Variants in KIAA1671 observed in about 807,000 individuals in gnomAD.
The protein encoded by KIAA1671 is KIAA1671.
A neutral mutation model predicts 131.2 loss-of-function variants in KIAA1671; 52 were observed. That is an observed-to-expected ratio of 0.40 (90% CI 0.32 to 0.50). The LOEUF (loss-of-function observed/expected upper bound fraction) is 0.50. KIAA1671 is among the 20% of genes least tolerant of loss of function. The probability of loss-of-function intolerance (pLI) is 0.73; values close to 1 mark genes in which losing one functional copy is unlikely to be tolerated. For missense variants in KIAA1671, 2,360 were observed against 2,364.2 expected, an observed-to-expected ratio of 1.00 and a Z score of 0.04; for synonymous variants, 1,003 against 961.6, an observed-to-expected ratio of 1.04 and a Z score of -0.80.
chr22:25,108,128 A>G (rs951465054), intron 6 of KIAA1671, among the ~76,000 whole-genome samples: 1 of 152,226 alleles, frequency 6.6e-6, no homozygotes, highest in African/African-American at 2.4e-5. Context: ...TCCAGGAAAT[A>G]TATATCAGTT....
intron 6 of KIAA1671, among the ~76,000 whole-genome samples, chr22:25,129,659 CT>C (rs72236192): frequency 0.044 from 5,862 of 133,266 alleles, 100 homozygotes; most frequent in Middle Eastern, 0.09. Context: ...TTCTCTTTTC[CT>C]TTTTTTTTTT....
At chr22:25,101,900 G>A (rs1278120153) in intron 6 of KIAA1671, among the ~76,000 whole-genome samples, 1 of 152,206 alleles carries the variant, frequency 6.6e-6, no homozygotes, top group African/African-American at 2.4e-5. Flanking sequence ...CAGGTAAACT[G>A]TGTGATTCGG....
chr22:25,021,935 C>T (rs922280123), intron 1 of KIAA1671, among the ~76,000 whole-genome samples: 31 of 152,204 alleles, frequency 2.0e-4, no homozygotes, highest in Admixed American at 1.2e-3. Context: ...TACAGGCACC[C>T]GCCACCACGC....
chr22:25,184,528 C>T (rs901410312), intron 10 of KIAA1671, among the ~76,000 whole-genome samples: 5 of 152,138 alleles, frequency 3.3e-5, no homozygotes, highest in Non-Finnish European at 7.4e-5. Context: ...ACATGCCCTC[C>T]AAAAATGGGT....
intron 10 of KIAA1671, among the ~76,000 whole-genome samples, 162 bp downstream of exon 10, chr22:25,181,985 G>A (rs1011614536): frequency 2.0e-5 from 3 of 152,066 alleles, no homozygotes; most frequent in African/African-American, 7.2e-5. Context: ...AGACCATCCT[G>A]GATAACATGG....
intron 1 of KIAA1671, among the ~76,000 whole-genome samples, chr22:24,994,260 G>C (rs554872455): frequency 5.3e-5 from 8 of 152,258 alleles, no homozygotes; most frequent in Admixed American, 3.3e-4. Context: ...TTCTAGGAAA[G>C]AGTGGTGTCA....
rs1011788494 is a variant in KIAA1671 at position 25,066,701 on chromosome 22, A to G, written c.4530+17337A>G. Among the ~76,000 whole-genome samples the G allele has an allele frequency of 7.2e-5, 11 of 152,234 alleles. No homozygotes were observed. In the East Asian group the frequency reaches 1.9e-3, roughly 27 times the overall value. Reference sequence around the variant, plus strand: ...TCGCATTTGCAGGTTCTAGGTGGACATATGTTTTTAGGGGTCTCCATTCAA... The same window carrying G: ...TCGCATTTGCAGGTTCTAGGTGGACGTATGTTTTTAGGGGTCTCCATTCAA... On this transcript the variant is annotated intron_variant, in intron 6 of 12. Transcript: ENST00000358431.
At chr22:24,959,020 A>C (rs1921876062) in intron 1 of KIAA1671, among the ~76,000 whole-genome samples, 1 of 150,916 alleles carries the variant, frequency 6.6e-6, no homozygotes, top group South Asian at 2.1e-4. Context: ...AAAAAAAATT[A>C]GCCTGGCAGT....
At chr22:25,068,454 T>G (rs1207746104) in intron 6 of KIAA1671, among the ~76,000 whole-genome samples, 6 of 151,790 alleles carry the variant, frequency 4.0e-5, no homozygotes, top group Non-Finnish European at 8.8e-5. Flanking sequence ...TTTTTTTTTT[T>G]GAGACAGAGC....
At chr22:25,172,744 A>G (rs957383966) in intron 7 of KIAA1671, among the ~76,000 whole-genome samples, 18 of 152,200 alleles carry the variant, frequency 1.2e-4, no homozygotes, top group African/African-American at 1.9e-4. Context: ...CATTATTCCA[A>G]TGACCCAAGT....
At chr22:25,119,702 G>A (rs973264235) in intron 6 of KIAA1671, among the ~76,000 whole-genome samples, 8 of 152,230 alleles carry the variant, frequency 5.3e-5, no homozygotes, top group Non-Finnish European at 1.2e-4. Context: ...CTCAGGAGGT[G>A]ACATTGGAGC....
At chr22:24,960,945 G>T (rs1479225640) in intron 1 of KIAA1671, among the ~76,000 whole-genome samples, 2 of 152,152 alleles carry the variant, frequency 1.3e-5, no homozygotes, top group East Asian at 3.9e-4. Context: ...ATGGCCTCTG[G>T]CCTGAGGGAA....
intron 1 of KIAA1671, among the ~76,000 whole-genome samples, chr22:25,017,491 C>G (rs969031416): frequency 3.3e-5 from 5 of 152,194 alleles, no homozygotes; most frequent in Admixed American, 2.0e-4. Context: ...CTGCCCTGAC[C>G]TGTTTTAGCT....
intron 3 of KIAA1671, among the ~76,000 whole-genome samples, chr22:25,031,380 T>TAGAGATG (rs1372274883): frequency 2.0e-5 from 3 of 151,982 alleles, no homozygotes; most frequent in African/African-American, 7.2e-5. Flanking sequence ...GCATTTTTAG[T>TAGAGATG]AGAGATGAGG....
At chr22:24,969,181 G>A (rs1922467895) in intron 1 of KIAA1671, among the ~76,000 whole-genome samples, 1 of 152,200 alleles carries the variant, frequency 6.6e-6, no homozygotes, top group Admixed American at 6.5e-5. Flanking sequence ...CACTACAGGT[G>A]TGAGCCACCG....
intron 6 of KIAA1671, among the ~76,000 whole-genome samples, chr22:25,134,647 G>C (rs917624213): frequency 6.6e-6 from 1 of 152,144 alleles, no homozygotes; most frequent in African/African-American, 2.4e-5. Context: ...TCACCTTGCA[G>C]CCTCCAGCCC....
At chr22:25,097,512 A>G (rs1930445919) in intron 6 of KIAA1671, among the ~76,000 whole-genome samples, 1 of 152,170 alleles carries the variant, frequency 6.6e-6, no homozygotes, top group Non-Finnish European at 1.5e-5. Context: ...AGGCTGAGGC[A>G]GATGGATCAC....
chr22:25,055,252 T>C (rs367613876), intron 6 of KIAA1671: 44 of 150,020 alleles, frequency 2.9e-4, no homozygotes, highest in African/African-American at 9.7e-4. Flanking sequence ...GTAATCAACT[T>C]GAAATAAGTG....
intron 1 of KIAA1671, chr22:25,010,635 G>A (rs1208732731): frequency 1.3e-5 from 2 of 152,094 alleles, no homozygotes; most frequent in African/African-American, 2.4e-5. Flanking sequence ...AGGTGAAGTG[G>A]CTCCGTTAAA....
Sources: allele counts gnomAD v4.1 joint callset (sites outside exome capture counted in the v4.1 genomes callset), GRCh38; gene constraint gnomAD v4.1.1; transcripts MANE v1.5; gene names NCBI Gene and HGNC (gene_info 2026-07-23, HGNC 2026-07-21).